The following SH3RF3 variants were observed in gnomAD, a reference collection of about 807,000 sequenced individuals.
SH3RF3 encodes E3 ubiquitin-protein ligase SH3RF3.
In SH3RF3, 29 loss-of-function variants were observed where a neutral mutation model predicts 66.3. The ratio of observed to expected loss-of-function variants is 0.44; its 90% CI spans 0.33 to 0.60. The LOEUF is 0.60. Ranked by LOEUF, SH3RF3 falls within the 20% of genes least tolerant of loss-of-function variation. The pLI, the probability that SH3RF3 is intolerant of heterozygous loss-of-function variation, is 0.04. For missense variants in SH3RF3, 1,194 were observed against 1,190.9 expected (o/e 1.00, Z -0.04); for synonymous variants, 583 against 532.0 (o/e 1.10, Z -1.32).
chr2:109,172,782 G>A (rs1051219844), intron 1 of SH3RF3, among the ~76,000 whole-genome samples: 1 of 152,214 alleles, frequency 6.6e-6, no homozygotes, highest in Non-Finnish European at 1.5e-5. Context: ...ACTGCATGTG[G>A]GTTACGGAAG....
rs529170588 is a variant in SH3RF3 at position 109,432,444 on chromosome 2, C to T, written c.1404-57C>T. 5.0e-5 allele frequency: 80 copies of T among 1,596,318 alleles called. No individual in the cohort carries two copies. The African/African-American group carries it at 7.9e-4, about 16-fold the overall frequency. On this transcript the variant is annotated intron_variant, in intron 5 of 9. Coordinates refer to ENST00000309415, the MANE Select transcript of SH3RF3 (RefSeq NM_001099289.3). ...ACAACCTCCCCCCAGGAATGCCGGC[C>T]GGTCCCCTATCCCCAGGAGGGCTCC...
intron 1 of SH3RF3, among the ~76,000 whole-genome samples, chr2:109,316,955 C>G (rs1275536171): frequency 1.3e-5 from 2 of 152,070 alleles, no homozygotes; most frequent in Non-Finnish European, 2.9e-5. Context: ...TTTGAGGTTC[C>G]TCCATGTCTT....
At chr2:109,327,288 T>G (rs555462373) in intron 1 of SH3RF3, among the ~76,000 whole-genome samples, 1 of 152,364 alleles carries the variant, frequency 6.6e-6, no homozygotes, top group African/African-American at 2.4e-5. Flanking sequence ...ACACCATTGA[T>G]TAAACAGCCC....
chr2:109,249,465 T>TTC (rs1326673748), intron 1 of SH3RF3, among the ~76,000 whole-genome samples: 1 of 125,646 alleles, frequency 8.0e-6, no homozygotes, highest in African/African-American at 3.1e-5. Flanking sequence ...CTTTCTCTCT[T>TTC]TCTCTTTCTT....
In SH3RF3 at chr2:109,484,347, A is replaced by G. The variant is rs565932178; in HGVS notation, c.2149-6258A>G. Among the ~76,000 whole-genome samples, 12 of 152,234 alleles carry G rather than the reference A, an allele frequency of 7.9e-5. No individual in the cohort carries two copies. In the South Asian group the frequency reaches 1.0e-3, roughly 13 times the overall value. ...CTCCCAAAGTGCTGGGATTACAGGC[A>G]TGAGCCACCCTGCCTGGTCATCCCA... On this transcript the variant is annotated intron_variant, in intron 8 of 9. Coordinates refer to ENST00000309415, the MANE Select transcript of SH3RF3 (RefSeq NM_001099289.3).
chr2:109,352,629 C>T (rs570217839), intron 2 of SH3RF3, among the ~76,000 whole-genome samples: 4 of 152,338 alleles, frequency 2.6e-5, no homozygotes, highest in East Asian at 3.9e-4. Flanking sequence ...CTGGGCACCC[C>T]GCTTGGGCTA....
Position 109,220,627 on chromosome 2 carries a change from T to C in SH3RF3, c.573+90514T>C, listed in dbSNP as rs564528591. 3.9e-5 allele frequency among the ~76,000 whole-genome samples: 6 copies of C among 152,330 alleles called. No homozygotes were observed. The East Asian group carries it at 1.2e-3, about 29-fold the overall frequency. On this transcript the variant is annotated intron_variant, in intron 1 of 9. Coordinates refer to ENST00000309415, the MANE Select transcript of SH3RF3 (RefSeq NM_001099289.3). Reference sequence around the variant, plus strand: ...GGGTCAAGGTTTTCAGTAAACATTTTCCCAAAGATATACAAATGGCCAGTA... The same window carrying C: ...GGGTCAAGGTTTTCAGTAAACATTTCCCCAAAGATATACAAATGGCCAGTA...
chr2:109,250,216 G>A (rs1680053290), intron 1 of SH3RF3, among the ~76,000 whole-genome samples: 1 of 151,002 alleles, frequency 6.6e-6, no homozygotes, highest in African/African-American at 2.4e-5. Flanking sequence ...TCAGGAATTT[G>A]TATTTAGGGA....
At chr2:109,195,667 C>T (rs1678481381) in intron 1 of SH3RF3, among the ~76,000 whole-genome samples, 1 of 152,150 alleles carries the variant, frequency 6.6e-6, no homozygotes, top group South Asian at 2.1e-4. Context: ...CAGAGAGCTC[C>T]GCGTTTGCAT....
At position 109,410,216 on chromosome 2, in the gene SH3RF3, C is replaced by T. The variant is rs550919770; in HGVS notation, c.1300-9323C>T. 1.8e-3 allele frequency among the ~76,000 whole-genome samples: 278 copies of T among 152,332 alleles called. 3 individuals are homozygous for T. Among genetic ancestry groups the T allele is most frequent in the African/African-American group, 6.3e-3 (262 of 41,580 alleles). On this transcript the variant is annotated intron_variant, in intron 4 of 9. Coordinates refer to ENST00000309415, the MANE Select transcript of SH3RF3 (RefSeq NM_001099289.3). ...CCATTGCTGACACCAGGCTTCCAACCAGGGGAGGCTGGAATTTGATGAAAC... is the reference window on the plus strand; with the variant it reads ...CCATTGCTGACACCAGGCTTCCAACTAGGGGAGGCTGGAATTTGATGAAAC...
intron 1 of SH3RF3, among the ~76,000 whole-genome samples, chr2:109,296,071 C>T (rs1052613422): frequency 6.6e-6 from 1 of 152,100 alleles, no homozygotes; most frequent in Non-Finnish European, 1.5e-5. Context: ...CCCTTCCCTG[C>T]CCCAGCCAGG....
intron 3 of SH3RF3, among the ~76,000 whole-genome samples, chr2:109,396,151 A>T (rs56914908): frequency 3.3e-5 from 5 of 152,242 alleles, no homozygotes; most frequent in Admixed American, 3.3e-4. Flanking sequence ...TGGGCAGAGA[A>T]CACTGGGGTC....
chr2:109,372,838 C>T (rs1308698593), intron 3 of SH3RF3, among the ~76,000 whole-genome samples: 1 of 152,228 alleles, frequency 6.6e-6, no homozygotes, highest in Non-Finnish European at 1.5e-5. Context: ...CGAAAGCCCA[C>T]GGGTGACACG....
At chr2:109,335,043 A>G (rs1018432354) in intron 1 of SH3RF3, among the ~76,000 whole-genome samples, 4 of 152,236 alleles carry the variant, frequency 2.6e-5, no homozygotes, top group Non-Finnish European at 5.9e-5. Flanking sequence ...CTCCCTGATC[A>G]TTGAAGACAC....
chr2:109,392,935 G>C (rs1676042452), intron 3 of SH3RF3, among the ~76,000 whole-genome samples: 2 of 152,192 alleles, frequency 1.3e-5, no homozygotes, highest in Admixed American at 1.3e-4. Context: ...CCTATGAGGA[G>C]GGCGAAGGAA....
intron 1 of SH3RF3, among the ~76,000 whole-genome samples, chr2:109,218,705 T>C (rs1159532381): frequency 6.6e-6 from 1 of 152,322 alleles, no homozygotes; most frequent in East Asian, 1.9e-4. Flanking sequence ...TGCCCTTTCA[T>C]CATGGCTGGA....
intron 1 of SH3RF3, among the ~76,000 whole-genome samples, chr2:109,191,166 A>G (rs1174213925): frequency 3.3e-5 from 5 of 152,166 alleles, no homozygotes; most frequent in East Asian, 3.8e-4. Context: ...CCAACGTGCT[A>G]TCAACCGGGT....
intron 5 of SH3RF3, among the ~76,000 whole-genome samples, 161 bp downstream of exon 5, chr2:109,419,803 A>C (rs1444570069): frequency 6.6e-6 from 1 of 152,240 alleles, no homozygotes; most frequent in Non-Finnish European, 1.5e-5. Flanking sequence ...GAGAGTGTGG[A>C]AGACAAAAGT....
At chr2:109,151,830 A>G (rs1161124895) in intron 1 of SH3RF3, among the ~76,000 whole-genome samples, 1 of 152,246 alleles carries the variant, frequency 6.6e-6, no homozygotes, top group Non-Finnish European at 1.5e-5. Context: ...ATTGTGGTTT[A>G]TAGGCAACAA....
Sources: allele counts gnomAD v4.1 joint callset (sites outside exome capture counted in the v4.1 genomes callset), GRCh38; gene constraint gnomAD v4.1.1; transcripts MANE v1.5; gene names NCBI Gene and HGNC (gene_info 2026-07-23, HGNC 2026-07-21).